Variants in FAM83H observed in about 807,000 individuals in gnomAD.
FAM83H encodes scaffolding CK1 anchoring protein H.
Under a neutral mutation model 30.2 loss-of-function variants are expected in FAM83H, and 24 were observed. The observed-to-expected ratio is 0.79, with a 90% CI of 0.57 to 1.12. FAM83H has a LOEUF of 1.12. Ranked by LOEUF, FAM83H falls within the 50% of genes most tolerant of loss-of-function variation. FAM83H has a pLI of 0.00. For synonymous variants in FAM83H, 1,013 were observed against 821.7 expected, an observed-to-expected ratio of 1.23 and a Z score of -3.98; for missense variants, 2,038 against 1,773.9, an observed-to-expected ratio of 1.15 and a Z score of -2.67.
Position 143,726,376 on chromosome 8 carries a change from T to C in FAM83H, c.3085A>G (p.Asn1029Asp). The C allele has an allele frequency of 6.2e-7, 1 of 1,610,662 alleles. No homozygotes were observed. The highest frequency in any genetic ancestry group is 8.5e-7 in the Non-Finnish European group (1 of 1,179,404). ...PRARLSSATA[N>D]ALYSSNLRDD... is the part of the protein sequence containing the mutation. ...CGAAGGTTGCTGCTGTACAAGGCGTTGGCCGTGGCTGAGGACAGGCGCGCC... is the reference window on the plus strand; with the variant it reads ...CGAAGGTTGCTGCTGTACAAGGCGTCGGCCGTGGCTGAGGACAGGCGCGCC... The change falls in exon 5 of 5, where the codon AAC (asparagine) becomes GAC (aspartate). Residue 1029 changes from asparagine to aspartate, a missense_variant. Coordinates refer to ENST00000388913, the MANE Select transcript of FAM83H (RefSeq NM_198488.5).
Position 143,726,268 on chromosome 8 carries a change from T to A in FAM83H, c.3193A>T (p.Thr1065Ser). 6.2e-7 allele frequency: 1 copy of A among 1,612,140 alleles called. No individual in the cohort carries two copies. Among genetic ancestry groups the A allele is most frequent in the Non-Finnish European group, 8.5e-7 (1 of 1,179,688 alleles). ...CGGCCTAGCTCGGGGCTGTTGTGGGTCGGGCCGGGGCTCGGGGCAGGGACC... is the reference window on the plus strand; with the variant it reads ...CGGCCTAGCTCGGGGCTGTTGTGGGACGGGCCGGGGCTCGGGGCAGGGACC... ...RAVPAPSPGP[T>S]HNSPELGRPP... The change falls in exon 5 of 5, where the codon ACC (threonine) becomes TCC (serine). Residue 1065 changes from threonine to serine, a missense_variant. Physicochemically the swap from Thr to Ser is moderately conservative, Grantham distance 58. Transcript: ENST00000388913.
At position 143,725,900 on chromosome 8, in the gene FAM83H, T is replaced by G. The variant is rs1818270375; in HGVS notation, c.*21A>C. The G allele has an allele frequency of 1.2e-6, 2 of 1,611,460 alleles. No individual in the cohort carries two copies. Among genetic ancestry groups the G allele is most frequent in the Admixed American group, 1.7e-5 (1 of 59,880 alleles). On this transcript the variant is annotated 3_prime_UTR_variant, in exon 5 of 5. Coordinates refer to ENST00000388913, the MANE Select transcript of FAM83H (RefSeq NM_198488.5). Reference sequence around the variant, plus strand: ...GGGCAGCGATGCGGGCACCCTGGCCTGGGTTGCCAGGCCAGAAGACTCACT... The same window carrying G: ...GGGCAGCGATGCGGGCACCCTGGCCGGGGTTGCCAGGCCAGAAGACTCACT...
chr8:143,728,220 GT>G lies in FAM83H; in HGVS notation c.1240del (p.Thr414ProfsTer131). ...GTTCTCCACGGCGCCCGCGCCCTCGGTCGCGAAGCTGTGCCGCTTGAAGGCG... is the reference window on the plus strand; with the variant it reads ...GTTCTCCACGGCGCCCGCGCCCTCGGCGCGAAGCTGTGCCGCTTGAAGGCG... Reference protein sequence around the residue: ...MDAFKRHSFATEGAGAVENFA... With the variant: ...MDAFKRHSFAXEGAGAVENFA... On this transcript the variant is annotated frameshift_variant, in exon 5 of 5. Coordinates refer to ENST00000388913, the MANE Select transcript of FAM83H (RefSeq NM_198488.5). LOFTEE classifies it low-confidence loss of function (END_TRUNC). The G allele has an allele frequency of 1.3e-6, 2 of 1,595,674 alleles. No individual in the cohort carries two copies. The highest frequency in any genetic ancestry group is 1.7e-6 in the Non-Finnish European group (2 of 1,175,934).
At position 143,725,783 on chromosome 8, in the gene FAM83H, C is replaced by T. The variant is rs1818266174; in HGVS notation, c.*138G>A. On this transcript the variant is annotated 3_prime_UTR_variant, in exon 5 of 5. Transcript: ENST00000388913. The stretch of plus-strand genomic sequence containing the variant: ...CCTCCAGTGGAGCCGAGGTCTGGCG[C>T]ACTCAGCCAAGCCCCAAGCGGCCGT... The T allele has an allele frequency of 1.4e-6, 2 of 1,447,034 alleles. No homozygotes were observed. Among genetic ancestry groups the T allele is most frequent in the Middle Eastern group, 2.4e-4 (1 of 4,162 alleles). 89.6% of individuals were successfully genotyped at this position (1,447,034 alleles called of 1,614,324 possible).
rs1554622402 is a variant in FAM83H at position 143,727,210 on chromosome 8, C to T, written c.2251G>A (p.Gly751Ser). The T allele has an allele frequency of 1.3e-6, 2 of 1,533,364 alleles. No homozygotes were observed. Among genetic ancestry groups the T allele is most frequent in the Admixed American group, 2.0e-5 (1 of 50,860 alleles). The allele number at this position is 1,533,364 out of a possible 1,614,324, so 95.0% of individuals were successfully genotyped here. A position where few individuals can be genotyped will look rare whatever the true frequency, so the allele number is the denominator to read the frequency against. The change falls in exon 5 of 5, where the codon GGC (glycine) becomes AGC (serine). Residue 751 changes from glycine to serine, a missense_variant. Coordinates refer to ENST00000388913, the MANE Select transcript of FAM83H (RefSeq NM_198488.5). ...CTGGCAACGGTGATGGCGCCCGCGC[C>T]GCCGCCGGGATCACGGGCTGGGCCC... ...YKGPARDPGG[G>S]AGAITVASHS...
rs1554623225 is a variant in FAM83H, at chr8:143,728,240, G to A, written c.1221C>T (p.Phe407=). The A allele has an allele frequency of 6.3e-7, 1 of 1,580,910 alleles. No homozygotes were observed. Among genetic ancestry groups the A allele is most frequent in the Non-Finnish European group, 8.5e-7 (1 of 1,169,750 alleles). ...FQARHLEMDA[F]KRHSFATEGA... ...CCTCGGTCGCGAAGCTGTGCCGCTT[G>A]AAGGCGTCCATCTCCAGGTGCCGCG... Residue 407 remains phenylalanine, a synonymous_variant, in exon 5 of 5, where the codon TTC becomes TTT. Transcript: ENST00000388913.
rs936742755 is a variant in FAM83H at position 143,724,012 on chromosome 8, C to T, written c.*1909G>A. The T allele has an allele frequency of 1.3e-5, 2 of 152,242 alleles. No individual in the cohort carries two copies. Among genetic ancestry groups the T allele is most frequent in the Non-Finnish European group, 2.9e-5 (2 of 68,056 alleles). 9.4% of individuals were successfully genotyped at this position (152,242 alleles called of 1,614,324 possible). A position where few individuals can be genotyped will look rare whatever the true frequency, so the allele number is the denominator to read the frequency against. On this transcript the variant is annotated 3_prime_UTR_variant, in exon 5 of 5. Transcript: ENST00000388913. ...AGAGGTGGAGGGTGCAGGCAGGAGGCTCCGAAGGCCCAGGCAGGGCCGCCA... is the reference window on the plus strand; with the variant it reads ...AGAGGTGGAGGGTGCAGGCAGGAGGTTCCGAAGGCCCAGGCAGGGCCGCCA...
intron 4 of FAM83H, 97 bp from the exon 5 acceptor site, chr8:143,728,820 G>A (rs1182604534): frequency 6.3e-6 from 10 of 1,596,312 alleles, no homozygotes; most frequent in Admixed American, 1.7e-5. Flanking sequence ...AGGGATGTGA[G>A]GTCTGCAAGG....
Position 143,726,004 on chromosome 8 carries a change from C to T in FAM83H, c.3457G>A (p.Gly1153Ser), listed in dbSNP as rs1587449870. 2.5e-6 allele frequency: 4 copies of T among 1,613,040 alleles called. No homozygotes were observed. The highest frequency in any genetic ancestry group is 2.2e-5 in the East Asian group (1 of 44,868). Residue 1153 changes from glycine (G) to serine (S), a missense_variant, in exon 5 of 5, where the codon GGC (glycine) becomes AGC (serine). Gly to Ser is a moderately conservative substitution (Grantham distance 56). Coordinates refer to ENST00000388913, the MANE Select transcript of FAM83H (RefSeq NM_198488.5). The part of the protein sequence containing the change: ...EEASSPGAGE[G>S]PAEEGTRDSK... ...TCCCTGGTGCCCTCCTCCGCGGGGC[C>T]TTCCCCTGCCCCAGGGCTGCTGGCC...
At position 143,727,066 on chromosome 8, in the gene FAM83H, G is replaced by C; in HGVS notation, c.2395C>G (p.Gln799Glu). ...CLLDLRDSFAQQLHQEAERQP... is the reference protein window; with the variant it reads ...CLLDLRDSFAEQLHQEAERQP... Reference sequence around the variant, plus strand: ...CGCTCCGCCTCCTGGTGCAGCTGCTGTGCAAAGGAGTCGCGCAGGTCCAGC... The same window carrying C: ...CGCTCCGCCTCCTGGTGCAGCTGCTCTGCAAAGGAGTCGCGCAGGTCCAGC... The change falls in exon 5 of 5, where the codon CAG becomes GAG. Residue 799 changes from glutamine to glutamate, a missense_variant. By Grantham distance (29) the Gln-to-Glu change is conservative. Coordinates refer to ENST00000388913, the MANE Select transcript of FAM83H (RefSeq NM_198488.5). 1 of 1,548,702 alleles carries C rather than the reference G, an allele frequency of 6.5e-7. No homozygotes were observed. The highest frequency in any genetic ancestry group is 8.7e-7 in the Non-Finnish European group (1 of 1,153,866).
Position 143,726,872 on chromosome 8 carries a change from G to T in FAM83H, c.2589C>A (p.Leu863=), listed in dbSNP as rs1818315531. ...PLEGSGAHQV[L]HNESKGSPTS... ...TGGGGCTCCCTTTTGACTCATTATG[G>T]AGCACCTGGTGCGCTCCGGACCCTT... is the stretch of plus-strand genomic sequence containing the variant. Residue 863 remains leucine, a synonymous_variant, in exon 5 of 5, where the codon CTC becomes CTA. Transcript: ENST00000388913. 6.2e-7 allele frequency: 1 copy of T among 1,612,808 alleles called. No individual in the cohort carries two copies. Among genetic ancestry groups the T allele is most frequent in the African/African-American group, 1.3e-5 (1 of 74,934 alleles).
Position 143,727,459 on chromosome 8 carries a change from A to G in FAM83H, c.2002T>C (p.Phe668Leu), listed in dbSNP as rs1554622592. The G allele has an allele frequency of 1.3e-6, 2 of 1,570,160 alleles. No individual in the cohort carries two copies. The highest frequency in any genetic ancestry group is 4.6e-5 in the East Asian group (2 of 43,570). The change falls in exon 5 of 5, where the codon TTC becomes CTC. Residue 668 changes from phenylalanine to leucine, a missense_variant. Transcript: ENST00000388913. ...EEPGLAKQDS[F>L]RSRLNPLVQR... Reference sequence around the variant, plus strand: ...ACCAGGGGGTTCAGGCGCGAGCGGAATGAGTCCTGCTTGGCCAGGCCAGGC... The same window carrying G: ...ACCAGGGGGTTCAGGCGCGAGCGGAGTGAGTCCTGCTTGGCCAGGCCAGGC...
At chr8:143,730,836 T>C (rs947040109) in intron 1 of FAM83H, among the ~76,000 whole-genome samples, 3 of 152,318 alleles carry the variant, frequency 2.0e-5, no homozygotes, top group Middle Eastern at 3.4e-3. Flanking sequence ...ATCCCAGCCC[T>C]GTCTCTCCTT....
In FAM83H at chr8:143,730,544, G is replaced by C. The variant is rs1452555050; in HGVS notation, c.39C>G (p.Asn13Lys). The part of the protein sequence containing the change: ...RRSQSSSQGD[N>K]PLAPGYLPPH... ...GCGGCAGGTACCCGGGTGCCAGTGG[G>C]TTGTCCCCCTGCGAGGAGCTCTGAG... The change falls in exon 2 of 5, where the codon AAC (asparagine) becomes AAG (lysine). Residue 13 changes from asparagine (N) to lysine (K), a missense_variant. By Grantham distance (94) the Asn-to-Lys change is moderately conservative. Transcript: ENST00000388913. 1.9e-6 allele frequency: 3 copies of C among 1,570,272 alleles called. No individual in the cohort carries two copies. The highest frequency in any genetic ancestry group is 2.6e-6 in the Non-Finnish European group (3 of 1,156,894).
rs782336354 is a variant in FAM83H, at chr8:143,727,979, C to T, written c.1482G>A (p.Gly494=). 1.8e-5 allele frequency: 28 copies of T among 1,576,668 alleles called. No individual in the cohort carries two copies. In the African/African-American group the frequency reaches 3.5e-4, roughly 20 times the overall value. The change falls in exon 5 of 5, where the codon GGG becomes GGA. Residue 494 remains glycine, a synonymous_variant. Transcript: ENST00000388913. The part of the protein sequence containing the change: ...ADPDDFTLGA[G]PRFPELGPDG... ...CGGGTCCGAGCTCCGGGAAGCGGGGCCCGGCGCCCAGGGTGAAGTCATCCG... is the reference window on the plus strand; with the variant it reads ...CGGGTCCGAGCTCCGGGAAGCGGGGTCCGGCGCCCAGGGTGAAGTCATCCG...
chr8:143,730,788 T>A (rs930092621), intron 1 of FAM83H, among the ~76,000 whole-genome samples, 191 bp from the exon 2 acceptor site: 2 of 152,114 alleles, frequency 1.3e-5, no homozygotes, highest in Non-Finnish European at 2.9e-5. Flanking sequence ...AGGATGCCCC[T>A]AGCTGAGGGG....
In FAM83H at chr8:143,731,258, C is replaced by T. The variant is rs1016121140; in HGVS notation, c.-15-661G>A. The T allele has an allele frequency of 2.1e-5, 18 of 860,898 alleles. No individual in the cohort carries two copies. In the African/African-American group the frequency reaches 2.7e-4, roughly 13 times the overall value. 53.3% of individuals were successfully genotyped at this position (860,898 alleles called of 1,614,324 possible). A position where few individuals can be genotyped will look rare whatever the true frequency, so the allele number is the denominator to read the frequency against. ...CTGTGCCTACTGGACAAGCTGGTGCCGCCCATGCTGCCCATGTGTCCGTCT... is the reference window on the plus strand; with the variant it reads ...CTGTGCCTACTGGACAAGCTGGTGCTGCCCATGCTGCCCATGTGTCCGTCT... On this transcript the variant is annotated intron_variant, in intron 1 of 4. Transcript: ENST00000388913.
rs1363278880 is a variant in FAM83H, at chr8:143,728,589, A to T, written c.872T>A (p.Leu291Gln). 1 of 1,605,660 alleles carries T rather than the reference A, an allele frequency of 6.2e-7. No homozygotes were observed. Among genetic ancestry groups the T allele is most frequent in the East Asian group, 2.2e-5 (1 of 44,592 alleles). ...CAGGGCATAGGCGTCCATGCGGGCC[A>T]GGGCCGCGGCCGAGGGCACAAGCGG... ...SEPLVPSAAALARMDAYALAP... is the reference protein window; with the variant it reads ...SEPLVPSAAAQARMDAYALAP... The change falls in exon 5 of 5, where the codon CTG (leucine) becomes CAG (glutamine). Residue 291 changes from leucine (L) to glutamine (Q), a missense_variant. Coordinates refer to ENST00000388913, the MANE Select transcript of FAM83H (RefSeq NM_198488.5).
At position 143,727,955 on chromosome 8, in the gene FAM83H, G is replaced by A. The variant is rs545862355; in HGVS notation, c.1506C>T (p.Pro502=). ...GAGPRFPELG[P]DGHQRLDYVP... is the part of the protein sequence containing the mutation. ...CGTAGTCCAGCCGCTGGTGCCCGTC[G>A]GGTCCGAGCTCCGGGAAGCGGGGCC... Residue 502 remains proline (P), a synonymous_variant, in exon 5 of 5, where the codon CCC becomes CCT. Coordinates refer to ENST00000388913, the MANE Select transcript of FAM83H (RefSeq NM_198488.5). 139 of 1,557,776 alleles carry A rather than the reference G, an allele frequency of 8.9e-5. No individual in the cohort carries two copies. The African/African-American group carries it at 1.4e-3, about 16-fold the overall frequency.
Sources: allele counts gnomAD v4.1 joint callset (sites outside exome capture counted in the v4.1 genomes callset), GRCh38; gene constraint gnomAD v4.1.1; transcripts MANE v1.5; gene names NCBI Gene and HGNC (gene_info 2026-07-23, HGNC 2026-07-21).